Variants in FCRL4 observed in about 807,000 individuals in gnomAD.
FCRL4 encodes the protein Fc receptor-like protein 4.
Under a neutral mutation model 64.1 loss-of-function variants are expected in FCRL4, and 43 were observed. That is an observed-to-expected ratio of 0.67 (90% CI 0.53 to 0.87). The LOEUF (loss-of-function observed/expected upper bound fraction) is 0.87. Among genes scored for constraint, FCRL4 ranks in the 40% least tolerant of loss-of-function variants. The pLI is 0.00. For missense variants in FCRL4, 656 were observed against 613.5 expected (o/e 1.07, Z -0.73); for synonymous variants, 253 against 239.8 (o/e 1.05, Z -0.51).
chr1:157,581,996 C>T (rs1049742760), intron 6 of FCRL4, among the ~76,000 whole-genome samples: 7 of 152,152 alleles, frequency 4.6e-5, no homozygotes, highest in African/African-American at 1.7e-4. Flanking sequence ...AACTTAGGAA[C>T]AGCAAACTGC....
At chr1:157,588,668 C>T (rs1448200059) in intron 3 of FCRL4, among the ~76,000 whole-genome samples, 1 of 152,180 alleles carries the variant, frequency 6.6e-6, no homozygotes, top group Non-Finnish European at 1.5e-5. Context: ...GTGTTGAATG[C>T]CTACTCCTGT....
intron 6 of FCRL4, among the ~76,000 whole-genome samples, chr1:157,582,802 A>G (rs536929808): frequency 1.3e-5 from 2 of 152,326 alleles, no homozygotes; most frequent in South Asian, 4.1e-4. Flanking sequence ...CAGCCACAAC[A>G]GCTGAAAGAG....
intron 10 of FCRL4, among the ~76,000 whole-genome samples, chr1:157,577,979 A>G (rs944672967): frequency 6.6e-6 from 1 of 152,176 alleles, no homozygotes; most frequent in Non-Finnish European, 1.5e-5. Flanking sequence ...AAAGGATCCA[A>G]CTCATTCCAA....
At chr1:157,593,898 C>T (rs1251878426) in intron 2 of FCRL4, among the ~76,000 whole-genome samples, 1 of 152,194 alleles carries the variant, frequency 6.6e-6, no homozygotes, top group Admixed American at 6.5e-5. Context: ...AACGTCCTTA[C>T]CAATATAATA....
intron 10 of FCRL4, among the ~76,000 whole-genome samples, chr1:157,576,819 G>C (rs557481507): frequency 6.6e-6 from 1 of 152,194 alleles, no homozygotes; most frequent in South Asian, 2.1e-4. Context: ...ATAGTAATAG[G>C]CTGTGCATGC....
chr1:157,585,881 T>A (rs1358142233), intron 6 of FCRL4, among the ~76,000 whole-genome samples: 1 of 151,928 alleles, frequency 6.6e-6, no homozygotes, highest in African/African-American at 2.4e-5. Context: ...ACACTGCTAA[T>A]GAAGTAAGGC....
chr1:157,578,735 A>G (rs1652475669), intron 9 of FCRL4, 35 bp downstream of exon 9: 1 of 1,596,472 alleles, frequency 6.3e-7, no homozygotes, highest in Non-Finnish European at 8.6e-7. Context: ...TCCATGGCTG[A>G]GGCCAGGAAC....
chr1:157,587,803 T>C, intron 4 of FCRL4, 62 bp downstream of exon 4: 1 of 1,485,110 alleles, frequency 6.7e-7, no homozygotes, highest in Non-Finnish European at 9.2e-7. Flanking sequence ...ATTCTTTCCT[T>C]ACATGCTCAG....
intron 7 of FCRL4, among the ~76,000 whole-genome samples, chr1:157,580,734 G>T (rs1322172354): frequency 6.6e-6 from 1 of 152,190 alleles, no homozygotes; most frequent in Non-Finnish European, 1.5e-5. Context: ...AGGAGAATTG[G>T]TCAGAGGTCC....
chr1:157,578,471 T>C lies in FCRL4; in HGVS notation c.1429+3A>G, dbSNP rs940484072. ...CAGCCAGAATCTCTTCCCAAAGACG[T>C]ACCTTCCTCTTCTTCTCCCAGCTGA... On this transcript the variant is annotated splice_donor_region_variant and intron_variant, in intron 10 of 11. Transcript: ENST00000271532. 10 of 1,611,684 alleles carry C rather than the reference T, an allele frequency of 6.2e-6. No individual in the cohort carries two copies. In the South Asian group the frequency reaches 8.8e-5, roughly 14 times the overall value.
At position 157,580,270 on chromosome 1, in the gene FCRL4, A is replaced by T. The variant is rs775439074; in HGVS notation, c.1277+51T>A. Reference sequence around the variant, plus strand: ...TAATTTCATAACCCCACAGTTTTGCATATTGTGTACTCGGGAAACTAAAAA... The same window carrying T: ...TAATTTCATAACCCCACAGTTTTGCTTATTGTGTACTCGGGAAACTAAAAA... On this transcript the variant is annotated intron_variant, in intron 8 of 11. Transcript: ENST00000271532. 3.1e-6 allele frequency: 5 copies of T among 1,603,060 alleles called. No homozygotes were observed. In the East Asian group the frequency reaches 1.1e-4, roughly 36 times the overall value.
chr1:157,587,823 C>A, intron 4 of FCRL4, 42 bp downstream of exon 4: 1 of 1,555,122 alleles, frequency 6.4e-7, no homozygotes, highest in Non-Finnish European at 8.8e-7. Flanking sequence ...GTTTCCTATC[C>A]CTGTCATTAC....
chr1:157,593,112 G>C (rs759204388), intron 2 of FCRL4, among the ~76,000 whole-genome samples: 1 of 152,190 alleles, frequency 6.6e-6, no homozygotes, highest in Non-Finnish European at 1.5e-5. Flanking sequence ...GGGACAGATA[G>C]CATTAGGAGA....
Position 157,580,417 on chromosome 1 carries a change from G to A in FCRL4, c.1250-69C>T, listed in dbSNP as rs560575488. 2.6e-5 allele frequency: 40 copies of A among 1,525,640 alleles called. No homozygotes were observed. The East Asian group carries it at 5.4e-4, about 21-fold the overall frequency. 94.5% of individuals were successfully genotyped at this position (1,525,640 alleles called of 1,614,324 possible). ...TCTTTCTCAATGACTTCATGTAACA[G>A]GAGCTATCTAAGAGAGGTAATCAAG... is the stretch of plus-strand genomic sequence containing the variant. On this transcript the variant is annotated intron_variant, in intron 7 of 11. Transcript: ENST00000271532.
At position 157,578,846 on chromosome 1, in the gene FCRL4, A is replaced by G. The variant is rs1210710036; in HGVS notation, c.1284T>C (p.Pro428=). The G allele has an allele frequency of 6.2e-7, 1 of 1,612,384 alleles. No individual in the cohort carries two copies. The highest frequency in any genetic ancestry group is 8.5e-7 in the Non-Finnish European group (1 of 1,179,282). ...AGGACTCTCCTGGGCCTGGAGCGGG[A>G]GGGAGCCTGTGAGACACAGAAACAC... The part of the protein sequence containing the change: ...VGFLGDETRL[P]PAPGPGESSH... The change falls in exon 9 of 12, where the codon CCT becomes CCC. Residue 428 remains proline, a synonymous_variant. Coordinates refer to ENST00000271532, the MANE Select transcript of FCRL4 (RefSeq NM_031282.3).
chr1:157,586,038 G>A (rs2101681436), intron 6 of FCRL4, 130 bp downstream of exon 6: 3 of 893,400 alleles, frequency 3.4e-6, no homozygotes, highest in Non-Finnish European at 5.1e-6. Context: ...GGAAGAAATT[G>A]TTTATCACAG....
chr1:157,577,976 C>G (rs1252909894), intron 10 of FCRL4, among the ~76,000 whole-genome samples: 1 of 152,112 alleles, frequency 6.6e-6, no homozygotes, highest in Non-Finnish European at 1.5e-5. Flanking sequence ...TCAAAAGGAT[C>G]CAACTCATTC....
chr1:157,583,599 C>A (rs116657220), intron 6 of FCRL4, among the ~76,000 whole-genome samples: 3,206 of 152,252 alleles, frequency 0.021, 114 homozygotes, highest in African/African-American at 0.073. Flanking sequence ...AAGCAGGTAG[C>A]CTTCTGTAAG....
In FCRL4 at chr1:157,587,407, T is replaced by C; in HGVS notation, c.716A>G (p.Asp239Gly). ...CTGGAGTTCCGGGTACGTGCTCCAG[T>C]CTGACAGGATGACCTCGCCATCTCT... ...FFRDGEVILS[D>G]WSTYPELQLP... is the part of the protein sequence containing the mutation. Residue 239 changes from aspartate (D) to glycine (G), a missense_variant, in exon 5 of 12, where the codon GAC (aspartate) becomes GGC (glycine). Physicochemically the swap from Asp to Gly is moderately conservative, Grantham distance 94. Coordinates refer to ENST00000271532, the MANE Select transcript of FCRL4 (RefSeq NM_031282.3). The C allele has an allele frequency of 1.9e-6, 3 of 1,614,224 alleles. No homozygotes were observed. Among genetic ancestry groups the C allele is most frequent in the Non-Finnish European group, 2.5e-6 (3 of 1,180,032 alleles).
Sources: allele counts gnomAD v4.1 joint callset (sites outside exome capture counted in the v4.1 genomes callset), GRCh38; gene constraint gnomAD v4.1.1; transcripts MANE v1.5; gene names NCBI Gene and HGNC (gene_info 2026-07-23, HGNC 2026-07-21).